MICAL2: variants seen among roughly 807,000 people sequenced by gnomAD.
MICAL2 encodes the protein [F-actin]-monooxygenase MICAL2.
Under a neutral mutation model 127.3 loss-of-function variants are expected in MICAL2, and 77 were observed. That is an observed-to-expected ratio of 0.60 (90% confidence interval 0.50 to 0.73). The LOEUF is 0.73. Ranked by LOEUF, MICAL2 falls within the 30% of genes least tolerant of loss-of-function variation. The pLI is 0.00. For missense variants in MICAL2, 1,351 were observed against 1,434.4 expected, an observed-to-expected ratio of 0.94 and a Z score of 0.94; for synonymous variants, 570 against 551.1, an observed-to-expected ratio of 1.03 and a Z score of -0.48.
At chr11:12,282,454 G>A (rs534280183) in intron 2 of MICAL2, among the ~76,000 whole-genome samples, 4 of 152,096 alleles carry the variant, frequency 2.6e-5, no homozygotes, top group African/African-American at 4.8e-5. Context: ...ATTGCCAGAC[G>A]GTTTTAGGCA....
chr11:12,192,714 G>T (rs1019266206), intron 3 of MICAL2, among the ~76,000 whole-genome samples: 5 of 152,126 alleles, frequency 3.3e-5, no homozygotes, highest in African/African-American at 9.7e-5. Flanking sequence ...GGAGGCGGAG[G>T]TTCCAGTGAG....
At chr11:12,178,109 T>G (rs1469710291) in intron 3 of MICAL2, among the ~76,000 whole-genome samples, 5 of 152,086 alleles carry the variant, frequency 3.3e-5, no homozygotes, top group Non-Finnish European at 1.5e-5. Flanking sequence ...AATTCGCTCA[T>G]CAATGGCCAA....
intron 17 of MICAL2, among the ~76,000 whole-genome samples, chr11:12,240,347 G>C (rs1334528775): frequency 6.6e-6 from 1 of 152,240 alleles, no homozygotes; most frequent in Non-Finnish European, 1.5e-5. Flanking sequence ...CTTGGGAAAA[G>C]AGGTTGGGTT....
intron 29 of MICAL2, among the ~76,000 whole-genome samples, chr11:12,297,390 G>T (rs1590727268): frequency 6.6e-6 from 1 of 152,208 alleles, no homozygotes; most frequent in South Asian, 2.1e-4. Context: ...TTTCTTAATA[G>T]TATGTAGGGA....
At chr11:12,312,488 C>T (rs77863661) in intron 29 of MICAL2, among the ~76,000 whole-genome samples, 32 of 152,218 alleles carry the variant, frequency 2.1e-4, no homozygotes, top group Admixed American at 8.5e-4. Flanking sequence ...CGATCCACAG[C>T]GTGTTTAGAA....
chr11:12,293,506 A>T (rs1443041212), downstream of MICAL2: 18 of 1,519,670 alleles, frequency 1.2e-5, no homozygotes, highest in East Asian at 3.6e-4. Context: ...CTTTCATCAT[A>T]TAAATAAATG....
chr11:12,163,405 G>T (rs1240131897), intron 3 of MICAL2, among the ~76,000 whole-genome samples: 1 of 152,150 alleles, frequency 6.6e-6, no homozygotes, highest in Admixed American at 6.6e-5. Context: ...TGCCAATCCC[G>T]GGACAAGAGG....
chr11:12,227,641 A>C (rs1212896215), intron 15 of MICAL2, among the ~76,000 whole-genome samples: 2 of 152,254 alleles, frequency 1.3e-5, no homozygotes, highest in Non-Finnish European at 1.5e-5. Context: ...GGGAGCAAAT[A>C]TACAGAAGTG....
At chr11:12,180,231 G>A (rs1857275256) in intron 3 of MICAL2, among the ~76,000 whole-genome samples, 1 of 152,004 alleles carries the variant, frequency 6.6e-6, no homozygotes, top group South Asian at 2.1e-4. Context: ...TCTTCTCCTT[G>A]AAGAGACACC....
intron 20 of MICAL2, 63 bp from the exon 21 acceptor site, chr11:12,243,924 G>T: frequency 6.3e-7 from 1 of 1,584,320 alleles, no homozygotes; most frequent in South Asian, 1.1e-5. Context: ...CATGATTGAG[G>T]CATGTATCAC....
chr11:12,127,418 A>G (rs1851031068), intron 1 of MICAL2, among the ~76,000 whole-genome samples: 1 of 152,270 alleles, frequency 6.6e-6, no homozygotes, highest in Non-Finnish European at 1.5e-5. Flanking sequence ...CCCTTGCCAC[A>G]TTCCCAGAAG....
At position 12,328,717 on chromosome 11, in the gene MICAL2, A is replaced by C. The variant is rs1334486672; in HGVS notation, c.5515+1451A>C. ...TAAAAGGTGAAAAACTGAGCACTGA[A>C]ATAATGTGCAATAATATAAACAACA... On this transcript the variant is annotated intron_variant, in intron 32 of 34. Coordinates refer to the MICAL2 transcript ENST00000646065. 2.0e-5 allele frequency among the ~76,000 whole-genome samples: 3 copies of C among 152,200 alleles called. No individual in the cohort carries two copies. The East Asian group carries it at 5.8e-4, about 29-fold the overall frequency.
chr11:12,141,740 A>G (rs1390289959), intron 2 of MICAL2, among the ~76,000 whole-genome samples: 1 of 152,218 alleles, frequency 6.6e-6, no homozygotes, highest in Non-Finnish European at 1.5e-5. Flanking sequence ...GGTAGTCAAT[A>G]TGTTCTTAAG....
intron 3 of MICAL2, 138 bp downstream of exon 3, chr11:12,162,557 G>T (rs183509260): frequency 1.7e-6 from 2 of 1,150,386 alleles, no homozygotes; most frequent in Admixed American, 2.7e-5. Flanking sequence ...CTCCGGTAAA[G>T]GTTTCCTTTG....
At chr11:12,211,041 A>G (rs1435332672) in intron 6 of MICAL2, among the ~76,000 whole-genome samples, 1 of 152,216 alleles carries the variant, frequency 6.6e-6, no homozygotes, top group Non-Finnish European at 1.5e-5. Context: ...CCTTTTGACA[A>G]AGGTCTAATG....
At position 12,161,857 on chromosome 11, in the gene MICAL2, A is replaced by G. The variant is rs1854839126; in HGVS notation, c.-77-222A>G. 6 of 429,320 alleles carry G rather than the reference A, an allele frequency of 1.4e-5. No individual in the cohort carries two copies. The South Asian group carries it at 1.5e-4, about 11-fold the overall frequency. The allele number at this position is 429,320 out of a possible 1,614,324, so 26.6% of individuals were successfully genotyped here. ...TCTGTGGTACTTTTCAGCCAGCAAG[A>G]GGAGCAGAGCATAGGGGAAGAGATT... On this transcript the variant is annotated intron_variant, in intron 2 of 27. Coordinates refer to ENST00000683283, the MANE Select transcript of MICAL2 (RefSeq NM_001282663.2).
intron 25 of MICAL2, among the ~76,000 whole-genome samples, chr11:12,259,454 C>T (rs528701521): frequency 4.6e-5 from 7 of 152,278 alleles, no homozygotes; most frequent in Admixed American, 2.6e-4. Flanking sequence ...TGGATCTTTA[C>T]GTCGTTGGAA....
intron 29 of MICAL2, among the ~76,000 whole-genome samples, chr11:12,312,691 T>A (rs1488115663): frequency 1.3e-5 from 2 of 152,168 alleles, no homozygotes. Flanking sequence ...ATTTTTATGC[T>A]TAGGTTCAAC....
chr11:12,246,212 A>G (rs1860720933), intron 21 of MICAL2, among the ~76,000 whole-genome samples: 1 of 152,262 alleles, frequency 6.6e-6, no homozygotes, highest in South Asian at 2.1e-4. Context: ...TGGGTAAGAC[A>G]GAGATGCTGT....
Sources: gnomAD v4.1 joint callset for allele counts (sites outside exome capture counted in the v4.1 genomes callset) on GRCh38, gnomAD v4.1.1 for gene constraint, MANE v1.5 for transcripts, NCBI Gene and HGNC (gene_info 2026-07-23, HGNC 2026-07-21) for gene names.